Variants in ATF6 observed in about 807,000 individuals in gnomAD.
ATF6 encodes the protein cyclic AMP-dependent transcription factor ATF-6 alpha.
In ATF6, 53 loss-of-function variants were observed where a neutral mutation model predicts 83.6. The observed-to-expected ratio is 0.63, with a 90% CI of 0.51 to 0.80. ATF6 has a LOEUF of 0.80. Ranked by LOEUF, ATF6 falls within the 30% of genes least tolerant of loss-of-function variation. ATF6 has a pLI of 0.00. For synonymous variants in ATF6, 288 were observed against 285.8 expected (o/e 1.01, Z -0.08); for missense variants, 744 against 797.9 (o/e 0.93, Z 0.81).
chr1:161,940,725 AT>A (rs1206343957), intron 15 of ATF6, among the ~76,000 whole-genome samples: 2 of 151,430 alleles, frequency 1.3e-5, no homozygotes, highest in South Asian at 4.2e-4. Flanking sequence ...CACCCAGCTA[AT>A]TTTTTTTGTT....
At chr1:161,872,156 C>T (rs770800042) in intron 14 of ATF6, among the ~76,000 whole-genome samples, 2 of 151,378 alleles carry the variant, frequency 1.3e-5, no homozygotes, top group Non-Finnish European at 3.0e-5. Flanking sequence ...CTGAGGCAGT[C>T]GTGTCCATTG....
intron 3 of ATF6, among the ~76,000 whole-genome samples, chr1:161,783,736 G>A (rs943438042): frequency 6.6e-6 from 1 of 151,440 alleles, no homozygotes; most frequent in Admixed American, 6.6e-5. Context: ...AGATGCAAGT[G>A]TACACATATA....
chr1:161,788,123 C>G (rs1206550787), intron 4 of ATF6, among the ~76,000 whole-genome samples: 1 of 152,186 alleles, frequency 6.6e-6, no homozygotes, highest in African/African-American at 2.4e-5. Flanking sequence ...TTTAATTTGA[C>G]AAGTGCTTCC....
intron 1 of ATF6, among the ~76,000 whole-genome samples, chr1:161,769,641 C>T (rs1356459082): frequency 6.6e-6 from 1 of 152,032 alleles, no homozygotes; most frequent in African/African-American, 2.4e-5. Context: ...TATAACTCAA[C>T]ATAATACAGA....
intron 9 of ATF6, 109 bp downstream of exon 9, chr1:161,821,270 T>A: frequency 1.4e-6 from 1 of 733,624 alleles, no homozygotes; most frequent in Non-Finnish European, 2.2e-6. Flanking sequence ...TTTCAAGATG[T>A]GTAAAGAGTA....
chr1:161,778,958 T>C (rs1031991198), intron 2 of ATF6, among the ~76,000 whole-genome samples: 4 of 152,218 alleles, frequency 2.6e-5, no homozygotes, highest in Non-Finnish European at 5.9e-5. Context: ...GTGAGCAGAG[T>C]AATTTGTCAA....
chr1:161,882,779 G>A (rs917062987), intron 14 of ATF6, among the ~76,000 whole-genome samples: 1 of 151,364 alleles, frequency 6.6e-6, no homozygotes, highest in African/African-American at 2.4e-5. Flanking sequence ...TTAATTTTCA[G>A]TGTCCTTATC....
chr1:161,863,468 G>C (rs1276483477), intron 14 of ATF6, 156 bp downstream of exon 14: 1 of 517,030 alleles, frequency 1.9e-6, no homozygotes, highest in African/African-American at 1.9e-5. Flanking sequence ...TGTAATATAT[G>C]CTTTACTTTG....
rs372793736 is a variant in ATF6, at chr1:161,912,266, A to G, written c.1720-30A>G. The G allele has an allele frequency of 1.4e-4, 213 of 1,552,696 alleles. No individual in the cohort carries two copies. In the African/African-American group the frequency reaches 2.5e-3, roughly 18 times the overall value. On this transcript the variant is annotated intron_variant, in intron 14 of 15. Coordinates refer to ENST00000367942, the MANE Select transcript of ATF6 (RefSeq NM_007348.4). The stretch of plus-strand genomic sequence containing the variant: ...GTTCTAGGACTAAGCCAATTGTTAT[A>G]TATAACAGATTGTTCTTTGTTAATT...
intron 15 of ATF6, among the ~76,000 whole-genome samples, chr1:161,939,911 G>A (rs568896338): frequency 6.6e-6 from 1 of 152,210 alleles, no homozygotes; most frequent in Non-Finnish European, 1.5e-5. Flanking sequence ...GAAAAAGAGC[G>A]TGATGGATTT....
intron 6 of ATF6, among the ~76,000 whole-genome samples, chr1:161,794,878 G>A (rs1684976283): frequency 6.6e-6 from 1 of 152,204 alleles, no homozygotes; most frequent in African/African-American, 2.4e-5. Flanking sequence ...GAGTAGAGAT[G>A]TTAAAAGTGT....
intron 14 of ATF6, among the ~76,000 whole-genome samples, chr1:161,894,339 T>C (rs1227946178): frequency 6.6e-6 from 1 of 151,652 alleles, no homozygotes; most frequent in Non-Finnish European, 1.5e-5. Context: ...TGATTGGAAG[T>C]TGAAATTAGT....
intron 15 of ATF6, among the ~76,000 whole-genome samples, chr1:161,952,574 CCGTTT>C (rs940393832): frequency 6.6e-6 from 1 of 151,246 alleles, no homozygotes; most frequent in Non-Finnish European, 1.5e-5. Context: ...ATTTTTTTTT[CCGTTT>C]TGTTTACTAC....
At chr1:161,775,999 G>A (rs1265992468) in intron 1 of ATF6, among the ~76,000 whole-genome samples, 1 of 151,982 alleles carries the variant, frequency 6.6e-6, no homozygotes, top group Non-Finnish European at 1.5e-5. Flanking sequence ...ATCTGTATGT[G>A]TTATATTTTA....
intron 9 of ATF6, among the ~76,000 whole-genome samples, chr1:161,834,994 C>T (rs150221519): frequency 5.2e-4 from 79 of 152,274 alleles, no homozygotes; most frequent in African/African-American, 1.9e-3. Context: ...ATGGGATGCA[C>T]TGAGAAGGGC....
chr1:161,938,918 C>T lies in ATF6; in HGVS notation c.1805-19528C>T, dbSNP rs112776781. Among the ~76,000 whole-genome samples, 390 of 152,224 alleles carry T rather than the reference C, an allele frequency of 2.6e-3. 4 individuals carry two copies. The highest frequency in any genetic ancestry group is 8.7e-3 in the African/African-American group (363 of 41,538). The stretch of plus-strand genomic sequence containing the variant: ...AAAATTCCCTAAATTTTAGTTTCCC[C>T]TCCAGTCACCAGCTCACTTTTCTGT... On this transcript the variant is annotated intron_variant, in intron 15 of 15. Coordinates refer to ENST00000367942, the MANE Select transcript of ATF6 (RefSeq NM_007348.4).
chr1:161,786,570 T>C (rs1684752547), intron 4 of ATF6, among the ~76,000 whole-genome samples: 1 of 151,970 alleles, frequency 6.6e-6, no homozygotes, highest in African/African-American at 2.4e-5. Flanking sequence ...TTTTTACTCT[T>C]TTTTTTTGCT....
chr1:161,832,466 AC>A (rs1686089558), intron 9 of ATF6, among the ~76,000 whole-genome samples: 2 of 152,086 alleles, frequency 1.3e-5, no homozygotes, highest in Admixed American at 1.3e-4. Context: ...GCATTGCCTC[AC>A]CCAGGAAGTG....
intron 12 of ATF6, among the ~76,000 whole-genome samples, chr1:161,859,855 A>G (rs1686845417): frequency 6.6e-6 from 1 of 152,168 alleles, no homozygotes; most frequent in South Asian, 2.1e-4. Context: ...ACTTCTTAGG[A>G]ACTTGTCATT....
Sources: allele counts gnomAD v4.1 joint callset (sites outside exome capture counted in the v4.1 genomes callset), GRCh38; gene constraint gnomAD v4.1.1; transcripts MANE v1.5; gene names NCBI Gene and HGNC (gene_info 2026-07-23, HGNC 2026-07-21).